The following NKAIN3 variants were observed in gnomAD, a reference collection of about 807,000 sequenced individuals.
The protein encoded by NKAIN3 is sodium/potassium-transporting ATPase subunit beta-1-interacting protein 3.
A neutral mutation model predicts 30.2 loss-of-function variants in NKAIN3; 25 were observed. The observed-to-expected ratio is 0.83, with a 90% CI of 0.60 to 1.16. The LOEUF (loss-of-function observed/expected upper bound fraction) is 1.16. NKAIN3 is among the 50% of genes most tolerant of loss of function. NKAIN3 has a pLI of 0.00. For missense variants in NKAIN3, 225 were observed against 254.1 expected (o/e 0.89, Z 0.78); for synonymous variants, 91 against 89.6 (o/e 1.02, Z -0.09).
chr8:62,542,404 GAT>G (rs1808872013), intron 1 of NKAIN3, among the ~76,000 whole-genome samples: 1 of 152,082 alleles, frequency 6.6e-6, no homozygotes, highest in Non-Finnish European at 1.5e-5. Context: ...AAAACAACAT[GAT>G]ATATGTGAAC....
chr8:62,647,176 TAG>T (rs2130317924), intron 3 of NKAIN3, among the ~76,000 whole-genome samples: 1 of 152,302 alleles, frequency 6.6e-6, no homozygotes, highest in Non-Finnish European at 1.5e-5. Context: ...GCTGACATCT[TAG>T]AATTATTTTG....
chr8:62,519,867 T>C (rs1808103041), intron 1 of NKAIN3, among the ~76,000 whole-genome samples: 1 of 152,122 alleles, frequency 6.6e-6, no homozygotes, highest in Non-Finnish European at 1.5e-5. Context: ...TCACACATAG[T>C]TCAGCACAGC....
chr8:62,649,497 C>G (rs908659832), intron 3 of NKAIN3, among the ~76,000 whole-genome samples: 5 of 152,088 alleles, frequency 3.3e-5, no homozygotes, highest in African/African-American at 1.2e-4. Flanking sequence ...TCTTCTTAAG[C>G]CAAGTAGAGT....
At chr8:62,727,458 C>G (rs1014105201) in intron 3 of NKAIN3, among the ~76,000 whole-genome samples, 3 of 152,014 alleles carry the variant, frequency 2.0e-5, no homozygotes, top group Non-Finnish European at 4.4e-5. Context: ...ACAAAAACAA[C>G]AATAACAAAC....
intron 2 of NKAIN3, among the ~76,000 whole-genome samples, chr8:62,588,381 T>G (rs1810544187): frequency 6.6e-6 from 1 of 151,836 alleles, no homozygotes; most frequent in African/African-American, 2.4e-5. Flanking sequence ...CCAGTGATTT[T>G]TGAGCTTTTA....
chr8:62,788,843 G>A lies in NKAIN3; in HGVS notation c.471+41714G>A, dbSNP rs191090353. ...CAGGTTGGTCAAAGATCAGATAGTT[G>A]TAGATATGCGGCATTATTTCTGAGG... On this transcript the variant is annotated intron_variant, in intron 4 of 6. Transcript: ENST00000623646. Among the ~76,000 whole-genome samples the A allele has an allele frequency of 1.1e-3, 165 of 152,118 alleles. 1 individual carries two copies. Among genetic ancestry groups the A allele is most frequent in the African/African-American group, 3.6e-3 (149 of 41,500 alleles).
At chr8:62,685,025 AG>A (rs1274801974) in intron 3 of NKAIN3, among the ~76,000 whole-genome samples, 1 of 152,308 alleles carries the variant, frequency 6.6e-6, no homozygotes, top group East Asian at 1.9e-4. Flanking sequence ...ATAGTCAGGA[AG>A]GCAAGAGCCT....
In NKAIN3 at chr8:62,972,615, C is replaced by G. The variant is rs1823858339; in HGVS notation, c.*7208C>G. On this transcript the variant is annotated 3_prime_UTR_variant, in exon 7 of 7. Coordinates refer to ENST00000623646, the MANE Select transcript of NKAIN3 (RefSeq NM_001304533.3). ...CACATGAGACAGTGGTGAATAAATC[C>G]ACCCCAAAATTCCTTTGCAGATCTT... Among the ~76,000 whole-genome samples, 1 of 152,046 alleles carries G rather than the reference C, an allele frequency of 6.6e-6. No individual in the cohort carries two copies. The highest frequency in any genetic ancestry group is 2.4e-5 in the African/African-American group (1 of 41,396).
chr8:62,928,423 T>A (rs1763949717), intron 5 of NKAIN3, among the ~76,000 whole-genome samples: 1 of 152,194 alleles, frequency 6.6e-6, no homozygotes. Context: ...TTGTCACAGT[T>A]CAATCAACTA....
chr8:62,330,347 C>T (rs543816846), intron 1 of NKAIN3, among the ~76,000 whole-genome samples: 134 of 151,820 alleles, frequency 8.8e-4, no homozygotes, highest in Middle Eastern at 3.4e-3. Flanking sequence ...AGCCAGGGTA[C>T]GTAGGAAACA....
chr8:62,947,678 C>T (rs1823163679), intron 5 of NKAIN3, among the ~76,000 whole-genome samples: 1 of 152,190 alleles, frequency 6.6e-6, no homozygotes, highest in East Asian at 1.9e-4. Flanking sequence ...GACACAGCTT[C>T]TGCCTGGCTA....
intron 3 of NKAIN3, among the ~76,000 whole-genome samples, chr8:62,658,973 A>G (rs1194491511): frequency 6.6e-6 from 1 of 152,102 alleles, no homozygotes. Flanking sequence ...ACAAAAAGTG[A>G]GAGTGAGGCC....
chr8:62,815,999 T>C (rs1389849893), intron 4 of NKAIN3, among the ~76,000 whole-genome samples: 1 of 152,218 alleles, frequency 6.6e-6, no homozygotes, highest in East Asian at 1.9e-4. Context: ...GTCCTTAAGA[T>C]TGTCATTTTG....
intron 1 of NKAIN3, among the ~76,000 whole-genome samples, chr8:62,274,185 TC>T (rs976132208): frequency 6.6e-6 from 1 of 152,222 alleles, no homozygotes; most frequent in African/African-American, 2.4e-5. Flanking sequence ...TTATTTGTTT[TC>T]TGAGATAGCT....
intron 4 of NKAIN3, among the ~76,000 whole-genome samples, chr8:62,870,260 ATCTAT>A (rs1820576620): frequency 8.1e-6 from 1 of 123,580 alleles, no homozygotes; most frequent in Non-Finnish European, 1.8e-5. Context: ...CTATATATAT[ATCTAT>A]ATATAGATAT....
At chr8:62,763,004 C>T (rs1256272237) in intron 4 of NKAIN3, among the ~76,000 whole-genome samples, 8 of 151,700 alleles carry the variant, frequency 5.3e-5, no homozygotes, top group African/African-American at 9.7e-5. Context: ...AGGCAGATCA[C>T]GAGGTCAGGA....
intron 4 of NKAIN3, among the ~76,000 whole-genome samples, chr8:62,865,945 C>A (rs1820401278): frequency 6.6e-6 from 1 of 152,076 alleles, no homozygotes; most frequent in Non-Finnish European, 1.5e-5. Context: ...CCATAACAGT[C>A]CTTTCACATT....
chr8:62,299,661 A>G (rs751455205), intron 1 of NKAIN3, among the ~76,000 whole-genome samples: 16 of 151,756 alleles, frequency 1.1e-4, no homozygotes, highest in Non-Finnish European at 2.1e-4. Context: ...TGTTGACTCA[A>G]AAAAAAAGGA....
At chr8:62,608,612 G>T (rs1651210022) in intron 3 of NKAIN3, among the ~76,000 whole-genome samples, 1 of 152,106 alleles carries the variant, frequency 6.6e-6, no homozygotes, top group African/African-American at 2.4e-5. Flanking sequence ...AATGGAAATG[G>T]AAATCACATT....
Sources: gnomAD v4.1 joint callset for allele counts (sites outside exome capture counted in the v4.1 genomes callset) on GRCh38, gnomAD v4.1.1 for gene constraint, MANE v1.5 for transcripts, NCBI Gene and HGNC (gene_info 2026-07-23, HGNC 2026-07-21) for gene names.